Variants in CDH13 observed in about 807,000 individuals in gnomAD.
CDH13 encodes cadherin-13.
In CDH13, 24 loss-of-function variants were observed where a neutral mutation model predicts 63.8. The ratio of observed to expected loss-of-function variants is 0.38; its 90% confidence interval spans 0.27 to 0.53. CDH13 has a LOEUF of 0.53. Ranked by LOEUF, CDH13 falls within the 20% of genes least tolerant of loss-of-function variation. The probability of loss-of-function intolerance (pLI) is 0.85; values close to 1 mark genes in which losing one functional copy is unlikely to be tolerated. For missense variants in CDH13, 1,049 were observed against 903.1 expected (o/e 1.16, Z -2.07); for synonymous variants, 503 against 355.3 (o/e 1.42, Z -4.67).
At chr16:82,901,324 C>CTGTG (rs61370328) in intron 2 of CDH13, among the ~76,000 whole-genome samples, 16,019 of 130,198 alleles carry the variant, frequency 0.12, 1,592 homozygotes, top group East Asian at 0.51. Flanking sequence ...TAGTATTCTC[C>CTGTG]TGTGTGTGTG....
At chr16:82,661,555 G>A (rs984978370) in intron 1 of CDH13, among the ~76,000 whole-genome samples, 2 of 152,222 alleles carry the variant, frequency 1.3e-5, no homozygotes, top group African/African-American at 4.8e-5. Flanking sequence ...CTGGCTATCA[G>A]CATCAACACC....
intron 2 of CDH13, among the ~76,000 whole-genome samples, chr16:82,939,093 C>A (rs1005562218): frequency 6.6e-6 from 1 of 152,174 alleles, no homozygotes; most frequent in Admixed American, 6.5e-5. Flanking sequence ...AAGACACTGA[C>A]AGCATCTCCT....
chr16:82,835,387 C>A (rs2615128), intron 1 of CDH13, among the ~76,000 whole-genome samples: 37,818 of 152,094 alleles, frequency 0.25, 5,037 homozygotes, highest in Middle Eastern at 0.35. Context: ...TCACATAGCA[C>A]CTGGATTTAA....
intron 13 of CDH13, among the ~76,000 whole-genome samples, chr16:83,788,734 A>G (rs931494475): frequency 1.3e-5 from 2 of 152,190 alleles, no homozygotes; most frequent in Admixed American, 1.3e-4. Context: ...GAAATACCAA[A>G]TGTGCTTTAT....
At chr16:82,995,710 C>T (rs887352350) in intron 2 of CDH13, among the ~76,000 whole-genome samples, 8 of 152,186 alleles carry the variant, frequency 5.3e-5, no homozygotes, top group African/African-American at 1.7e-4. Context: ...TACTTCTCCC[C>T]AGTTATACAA....
At chr16:82,627,257 A>G in intron 1 of CDH13, 120 bp downstream of exon 1, 1 of 817,980 alleles carries the variant, frequency 1.2e-6, no homozygotes, top group Non-Finnish European at 2.1e-6. Flanking sequence ...CGGCGAAGAC[A>G]GATCGGGGCT....
intron 5 of CDH13, among the ~76,000 whole-genome samples, chr16:83,241,945 C>G (rs1452736261): frequency 6.6e-6 from 1 of 152,112 alleles, no homozygotes; most frequent in East Asian, 1.9e-4. Flanking sequence ...ATTATGTTTT[C>G]CACTAGCAGT....
At chr16:82,810,249 A>G (rs891551125) in intron 1 of CDH13, among the ~76,000 whole-genome samples, 7 of 152,234 alleles carry the variant, frequency 4.6e-5, no homozygotes, top group African/African-American at 1.4e-4. Context: ...AAGCAGAGAT[A>G]GAATGGGTGA....
intron 10 of CDH13, among the ~76,000 whole-genome samples, chr16:83,689,145 A>C (rs1453242978): frequency 6.6e-6 from 1 of 152,228 alleles, no homozygotes; most frequent in Non-Finnish European, 1.5e-5. Context: ...ACATGGTTTC[A>C]AATTGGCTAT....
At chr16:83,383,412 T>G (rs1481454552) in intron 6 of CDH13, among the ~76,000 whole-genome samples, 3 of 152,190 alleles carry the variant, frequency 2.0e-5, no homozygotes, top group Admixed American at 1.3e-4. Flanking sequence ...TGTGATATGC[T>G]GCTCTCATGA....
chr16:82,773,112 C>T (rs903355032), intron 1 of CDH13, among the ~76,000 whole-genome samples: 1 of 152,204 alleles, frequency 6.6e-6, no homozygotes, highest in Non-Finnish European at 1.5e-5. Flanking sequence ...TCAGAATCAG[C>T]TCCAGGCTGG....
At chr16:83,303,715 G>A (rs1256515618) in intron 5 of CDH13, among the ~76,000 whole-genome samples, 1 of 152,148 alleles carries the variant, frequency 6.6e-6, no homozygotes, top group Non-Finnish European at 1.5e-5. Context: ...GGAATAGGGG[G>A]AAGGTCAGAG....
intron 3 of CDH13, among the ~76,000 whole-genome samples, chr16:83,062,831 T>G (rs1248944129): frequency 6.6e-6 from 1 of 152,166 alleles, no homozygotes; most frequent in East Asian, 1.9e-4. Context: ...GTAACTTAGC[T>G]AGGCTGGAAA....
intron 5 of CDH13, among the ~76,000 whole-genome samples, chr16:83,265,478 C>G (rs1010712064): frequency 1.3e-5 from 2 of 152,150 alleles, no homozygotes; most frequent in Admixed American, 6.5e-5. Context: ...TTTTACATAA[C>G]TGTCTTCTCT....
intron 8 of CDH13, among the ~76,000 whole-genome samples, chr16:83,654,253 T>G (rs748247468): frequency 6.6e-6 from 1 of 151,902 alleles, no homozygotes; most frequent in East Asian, 1.9e-4. Context: ...TGGCAAAAAA[T>G]TGCAATTACT....
intron 5 of CDH13, among the ~76,000 whole-genome samples, chr16:83,239,162 G>T (rs1054624639): frequency 6.6e-6 from 1 of 152,122 alleles, no homozygotes; most frequent in Non-Finnish European, 1.5e-5. Flanking sequence ...TGCCATTCTT[G>T]AGAGAAATAA....
rs1211416600 is a variant in CDH13, at chr16:83,798,275, T to C, written c.*3245T>C. 1 of 152,228 alleles carries C rather than the reference T, an allele frequency of 6.6e-6. No individual in the cohort carries two copies. The highest frequency in any genetic ancestry group is 1.5e-5 in the Non-Finnish European group (1 of 68,040). The allele number at this position is 152,228 out of a possible 1,614,324, so 9.4% of individuals were successfully genotyped here. On this transcript the variant is annotated 3_prime_UTR_variant, in exon 14 of 14. Transcript: ENST00000567109. Reference sequence around the variant, plus strand: ...TAAAAAATTTTTAACAAGTCTGTGTTTGATCCTGGATTTAGTGCAGTTGCA... The same window carrying C: ...TAAAAAATTTTTAACAAGTCTGTGTCTGATCCTGGATTTAGTGCAGTTGCA...
intron 2 of CDH13, among the ~76,000 whole-genome samples, chr16:82,886,046 G>T (rs1264467227): frequency 6.6e-6 from 1 of 152,032 alleles, no homozygotes; most frequent in Non-Finnish European, 1.5e-5. Context: ...AATTATAAAT[G>T]CAGTCATAAA....
intron 2 of CDH13, among the ~76,000 whole-genome samples, chr16:82,878,846 A>T (rs1222052789): frequency 1.3e-5 from 2 of 152,090 alleles, no homozygotes; most frequent in Admixed American, 6.5e-5. Context: ...ACATTGAGGC[A>T]TTGAAAGATA....
Sources: allele counts gnomAD v4.1 joint callset (sites outside exome capture counted in the v4.1 genomes callset), GRCh38; gene constraint gnomAD v4.1.1; transcripts MANE v1.5; gene names NCBI Gene and HGNC (gene_info 2026-07-23, HGNC 2026-07-21).